The following RSPO1 variants were observed in gnomAD, a reference collection of about 807,000 sequenced individuals.
RSPO1 encodes the protein R-spondin-1.
A neutral mutation model predicts 26.0 loss-of-function variants in RSPO1; 18 were observed. The observed-to-expected ratio is 0.69, with a 90% CI of 0.48 to 1.03. The LOEUF (loss-of-function observed/expected upper bound fraction) is 1.03, where lower values mean the gene tolerates loss of function less well. Ranked by LOEUF, RSPO1 falls within the 50% of genes least tolerant of loss-of-function variation. The probability of loss-of-function intolerance (pLI) is 0.00; values close to 1 mark genes in which losing one functional copy is unlikely to be tolerated. For missense variants in RSPO1, 309 were observed against 352.3 expected, an observed-to-expected ratio of 0.88 and a Z score of 0.98; for synonymous variants, 133 against 137.4, an observed-to-expected ratio of 0.97 and a Z score of 0.22.
In RSPO1 at chr1:37,612,532, G is replaced by A; in HGVS notation, c.*223C>T. 1 of 611,204 alleles carries A rather than the reference G, an allele frequency of 1.6e-6. No homozygotes were observed. Among genetic ancestry groups the A allele is most frequent in the South Asian group, 1.8e-5 (1 of 54,456 alleles). 37.9% of individuals were successfully genotyped at this position (611,204 alleles called of 1,614,324 possible). A position where few individuals can be genotyped will look rare whatever the true frequency, so the allele number is the denominator to read the frequency against. On this transcript the variant is annotated 3_prime_UTR_variant, in exon 7 of 7. Coordinates refer to ENST00000356545, the MANE Select transcript of RSPO1 (RefSeq NM_001242908.2). ...TGTGTGTGTGTGTGTATGTGTGTGT[G>A]TGGTGTCTGTGTCTGCGTGTGTACA...
intron 4 of RSPO1, among the ~76,000 whole-genome samples, chr1:37,616,113 C>T (rs917373153): frequency 1.3e-5 from 2 of 151,984 alleles, no homozygotes; most frequent in Non-Finnish European, 2.9e-5. Flanking sequence ...GCAATGATCC[C>T]GGAGCAAGGT....
intron 1 of RSPO1, among the ~76,000 whole-genome samples, chr1:37,633,186 T>C (rs1293071624): frequency 6.6e-6 from 1 of 152,196 alleles, no homozygotes; most frequent in Non-Finnish European, 1.5e-5. Flanking sequence ...CCCTGAATGG[T>C]TAAGTGTCCC....
Position 37,629,874 on chromosome 1 carries a change from C to T in RSPO1, c.-213G>A, listed in dbSNP as rs1228752785. On this transcript the variant is annotated 5_prime_UTR_variant, in exon 3 of 7. Coordinates refer to ENST00000356545, the MANE Select transcript of RSPO1 (RefSeq NM_001242908.2). The stretch of plus-strand genomic sequence containing the variant: ...TCAAAGGGAGGTCCTCAAAGAGAGA[C>T]TTCCTCAAAGATACCTCGGAATATC... 1.9e-6 allele frequency: 3 copies of T among 1,550,606 alleles called. No individual in the cohort carries two copies. The highest frequency in any genetic ancestry group is 2.6e-6 in the Non-Finnish European group (3 of 1,146,814).
Position 37,630,574 on chromosome 1 carries a change from G to A in RSPO1, c.-288-625C>T, listed in dbSNP as rs184562039. ...GAGGATAAAAGAGGCAGCAATGCCC[G>A]CCCTGGCCAGAGACACAGAGAATGG... On this transcript the variant is annotated intron_variant, in intron 2 of 6. Coordinates refer to ENST00000356545, the MANE Select transcript of RSPO1 (RefSeq NM_001242908.2). Among the ~76,000 whole-genome samples, 420 of 152,326 alleles carry A rather than the reference G, an allele frequency of 2.8e-3. 1 individual carries two copies. The highest frequency in any genetic ancestry group is 4.4e-3 in the Non-Finnish European group (300 of 68,016).
chr1:37,627,560 G>A (rs1357027321), intron 3 of RSPO1, among the ~76,000 whole-genome samples: 4 of 152,112 alleles, frequency 2.6e-5, no homozygotes, highest in African/African-American at 9.7e-5. Context: ...TGAGGCAGGA[G>A]AATCACTTGA....
chr1:37,628,156 G>A (rs1249500432), intron 3 of RSPO1, among the ~76,000 whole-genome samples: 1 of 152,186 alleles, frequency 6.6e-6, no homozygotes, highest in Non-Finnish European at 1.5e-5. Flanking sequence ...TTGCATGAAT[G>A]TGAATGGTTC....
At position 37,613,930 on chromosome 1, in the gene RSPO1, AG is replaced by A. The variant is rs1557429134; in HGVS notation, c.437-39del. 6.2e-7 allele frequency: 1 copy of A among 1,605,752 alleles called. No individual in the cohort carries two copies. Among genetic ancestry groups the A allele is most frequent in the Admixed American group, 1.7e-5 (1 of 60,004 alleles). ...GAAGGGAAGGGAGAGAAGGACAAGG[AG>A]GAGGGGATCATGTCTCCTCCTCTGG... On this transcript the variant is annotated intron_variant, in intron 5 of 6. Coordinates refer to ENST00000356545, the MANE Select transcript of RSPO1 (RefSeq NM_001242908.2). The surrounding 1 kb of genome is among the most constrained non-coding windows in gnomAD (Gnocchi z 4.5).
In RSPO1 at chr1:37,616,641, G is replaced by C. The variant is rs746493694; in HGVS notation, c.129C>G (p.Gly43=). The C allele has an allele frequency of 1.2e-6, 2 of 1,614,144 alleles. No homozygotes were observed. The highest frequency in any genetic ancestry group is 2.2e-5 in the South Asian group (2 of 91,088). ...CGTTGACTTCAGAGCAGAGCTCACA[G>C]CCTTTGGCACAGGCCTGGCTCCCCT... ...SAEGSQACAK[G]CELCSEVNGC... is the part of the protein sequence containing the mutation. Residue 43 remains glycine (G), a synonymous_variant, in exon 4 of 7, where the codon GGC becomes GGG. Transcript: ENST00000356545.
chr1:37,621,111 C>A (rs916204102), intron 3 of RSPO1, among the ~76,000 whole-genome samples: 3 of 152,280 alleles, frequency 2.0e-5, no homozygotes, highest in African/African-American at 7.2e-5. Flanking sequence ...TCAGCACCAT[C>A]AATGGCACCG....
chr1:37,626,581 A>G (rs764898276), intron 3 of RSPO1, among the ~76,000 whole-genome samples: 1 of 152,088 alleles, frequency 6.6e-6, no homozygotes, highest in Non-Finnish European at 1.5e-5. Context: ...CAGGATCTCA[A>G]TGAACATTTG....
At chr1:37,625,857 T>G (rs1644267921) in intron 3 of RSPO1, among the ~76,000 whole-genome samples, 1 of 152,108 alleles carries the variant, frequency 6.6e-6, no homozygotes, top group Non-Finnish European at 1.5e-5. Context: ...TTTTGTATTT[T>G]TAGTGGAGAC....
At chr1:37,626,094 T>C (rs896588060) in intron 3 of RSPO1, among the ~76,000 whole-genome samples, 2 of 152,162 alleles carry the variant, frequency 1.3e-5, no homozygotes, top group African/African-American at 4.8e-5. Flanking sequence ...AGCTGGGCTC[T>C]GGGCTCCTTG....
Position 37,629,931 on chromosome 1 carries a change from G to T in RSPO1, c.-270C>A, listed in dbSNP as rs1217456757. The T allele has an allele frequency of 6.7e-7, 1 of 1,502,634 alleles. No homozygotes were observed. Among genetic ancestry groups the T allele is most frequent in the Non-Finnish European group, 9.1e-7 (1 of 1,103,254 alleles). The allele number at this position is 1,502,634 out of a possible 1,614,324, so 93.1% of individuals were successfully genotyped here. On this transcript the variant is annotated 5_prime_UTR_variant, in exon 3 of 7. Transcript: ENST00000356545. The stretch of plus-strand genomic sequence containing the variant: ...GAGATCTTTTTGTCACGTCAGCAGG[G>T]ACTACTCCAAAAACCAACCTGTCAG...
chr1:37,613,584 G>T lies in RSPO1; in HGVS notation c.625+120C>A. 1 of 782,666 alleles carries T rather than the reference G, an allele frequency of 1.3e-6. No homozygotes were observed. The allele number at this position is 782,666 out of a possible 1,614,324, so 48.5% of individuals were successfully genotyped here. A position where few individuals can be genotyped will look rare whatever the true frequency, so the allele number is the denominator to read the frequency against. On this transcript the variant is annotated intron_variant, in intron 6 of 6. Coordinates refer to ENST00000356545, the MANE Select transcript of RSPO1 (RefSeq NM_001242908.2). This position sits in a 1 kb window ranked among gnomAD's most constrained non-coding sequence, Gnocchi z 4.5. ...CAGCATGAGGTCTTGAGTTGCGGGT[G>T]CCCCATCTGGCCTTGCCCTGAAGCT...
At position 37,613,015 on chromosome 1, in the gene RSPO1, C is replaced by T. The variant is rs577256415; in HGVS notation, c.626-94G>A. Reference sequence around the variant, plus strand: ...CCCTAGGAGGGGAGTGTGAGGAAGCCGGAAGGGGAGGCAGGGAGGAGGCTG... The same window carrying T: ...CCCTAGGAGGGGAGTGTGAGGAAGCTGGAAGGGGAGGCAGGGAGGAGGCTG... On this transcript the variant is annotated intron_variant, in intron 6 of 6. Transcript: ENST00000356545. The surrounding 1 kb of genome is among the most constrained non-coding windows in gnomAD (Gnocchi z 4.5). 9 of 1,426,896 alleles carry T rather than the reference C, an allele frequency of 6.3e-6. No homozygotes were observed. The highest frequency in any genetic ancestry group is 2.3e-5 in the East Asian group (1 of 43,634). The allele number at this position is 1,426,896 out of a possible 1,614,324, so 88.4% of individuals were successfully genotyped here.
At chr1:37,616,426 C>G (rs924639347) in intron 4 of RSPO1, 58 bp downstream of exon 4, 2 of 1,540,802 alleles carry the variant, frequency 1.3e-6, no homozygotes, top group African/African-American at 2.7e-5. Flanking sequence ...TCAAAGCACT[C>G]TCCCCCAGTC....
At position 37,612,706 on chromosome 1, in the gene RSPO1, G is replaced by A. The variant is rs1243722988; in HGVS notation, c.*49C>T. On this transcript the variant is annotated 3_prime_UTR_variant, in exon 7 of 7. Transcript: ENST00000356545. ...AGTTCAGGAAAGCTTGAATCACGCA[G>A]AGTAGCACTGAACTCTTTCTGCATG... The A allele has an allele frequency of 1.9e-6, 3 of 1,592,786 alleles. No individual in the cohort carries two copies. Among genetic ancestry groups the A allele is most frequent in the Non-Finnish European group, 2.6e-6 (3 of 1,170,598 alleles).
intron 2 of RSPO1, chr1:37,632,007 T>C (rs1644366997): frequency 6.6e-6 from 1 of 152,222 alleles, no homozygotes; most frequent in African/African-American, 2.4e-5. Context: ...CCATGAGTCC[T>C]TACAGTTGAC....
intron 4 of RSPO1, among the ~76,000 whole-genome samples, chr1:37,614,649 C>T (rs1049544558): frequency 1.1e-4 from 16 of 152,022 alleles, no homozygotes; most frequent in Admixed American, 4.6e-4. Context: ...GTTTCAGAGG[C>T]GGAGGGTGGG....
Sources: gnomAD v4.1 joint callset for allele counts (sites outside exome capture counted in the v4.1 genomes callset) on GRCh38, gnomAD v4.1.1 for gene constraint, Gnocchi (gnomAD v3.1) non-coding constraint, MANE v1.5 for transcripts, NCBI Gene and HGNC (gene_info 2026-07-23, HGNC 2026-07-21) for gene names.